EBAG9: variants seen among roughly 807,000 people sequenced by gnomAD.
The protein encoded by EBAG9 is estrogen receptor binding site associated antigen 9.
A neutral mutation model predicts 30.9 loss-of-function variants in EBAG9; 16 were observed. The ratio of observed to expected loss-of-function variants is 0.52; its 90% confidence interval spans 0.35 to 0.79. EBAG9 has a LOEUF of 0.79. Among genes scored for constraint, EBAG9 ranks in the 30% least tolerant of loss-of-function variants. The pLI, the probability that EBAG9 is intolerant of heterozygous loss-of-function variation, is 0.01. For missense variants in EBAG9, 197 were observed against 242.1 expected, an observed-to-expected ratio of 0.81 and a Z score of 1.24; for synonymous variants, 93 against 82.8, an observed-to-expected ratio of 1.12 and a Z score of -0.67.
chr8:109,554,533 A>AG (rs1374072671), intron 3 of EBAG9, among the ~76,000 whole-genome samples, 196 bp from the exon 4 acceptor site: 1 of 152,226 alleles, frequency 6.6e-6, no homozygotes, highest in Admixed American at 6.5e-5. Flanking sequence ...AAAATAGAAC[A>AG]GAATATATCA....
At chr8:109,551,913 C>T (rs1214393559) in intron 2 of EBAG9, among the ~76,000 whole-genome samples, 1 of 152,028 alleles carries the variant, frequency 6.6e-6, no homozygotes. Flanking sequence ...GTATTTTTTA[C>T]AATGGCTACT....
At chr8:109,556,268 G>T (rs1439937572) in intron 4 of EBAG9, among the ~76,000 whole-genome samples, 1 of 151,954 alleles carries the variant, frequency 6.6e-6, no homozygotes, top group African/African-American at 2.4e-5. Flanking sequence ...TCTCTCAGCT[G>T]ATTTCAGCTA....
Position 109,564,705 on chromosome 8 carries a change from C to A in EBAG9, c.*146C>A. 1.7e-6 allele frequency: 2 copies of A among 1,154,908 alleles called. No individual in the cohort carries two copies. Among genetic ancestry groups the A allele is most frequent in the East Asian group, 2.6e-5 (1 of 39,172 alleles). The allele number at this position is 1,154,908 out of a possible 1,614,324, so 71.5% of individuals were successfully genotyped here. ...GGCCATCCAGGACACCACGATTCTC[C>A]CAAAGTACCTTGAACTCTTAGTGAT... On this transcript the variant is annotated 3_prime_UTR_variant, in exon 7 of 7. Coordinates refer to ENST00000337573, the MANE Select transcript of EBAG9 (RefSeq NM_004215.5).
intron 3 of EBAG9, among the ~76,000 whole-genome samples, chr8:109,554,175 G>A (rs1821550787): frequency 6.6e-6 from 1 of 152,090 alleles, no homozygotes; most frequent in African/African-American, 2.4e-5. Flanking sequence ...GCTATTGTTT[G>A]TTGGAGCATT....
rs145924048 is a variant in EBAG9, at chr8:109,543,760, G to T, written c.-16+3299G>T. 1.6e-3 allele frequency among the ~76,000 whole-genome samples: 245 copies of T among 152,248 alleles called. 1 individual carries two copies. Among genetic ancestry groups the T allele is most frequent in the Middle Eastern group, 6.8e-3 (2 of 294 alleles). ...TTTTAAAAAGCATGGGCTGGGCATG[G>T]TAGCTCACACCTGTAATCCCAGCAC... On this transcript the variant is annotated intron_variant, in intron 1 of 6. Transcript: ENST00000337573.
At chr8:109,544,755 T>C (rs1381414479) in intron 1 of EBAG9, among the ~76,000 whole-genome samples, 1 of 152,214 alleles carries the variant, frequency 6.6e-6, no homozygotes, top group Non-Finnish European at 1.5e-5. Context: ...GTTCTACCTC[T>C]CAACAGTGGA....
chr8:109,554,386 T>A (rs1399288327), intron 3 of EBAG9, among the ~76,000 whole-genome samples: 1 of 152,244 alleles, frequency 6.6e-6, no homozygotes. Context: ...GTATTTTTTA[T>A]CAGATGATCA....
At chr8:109,545,321 C>CAAAA (rs540899914) in intron 1 of EBAG9, among the ~76,000 whole-genome samples, 13 of 37,770 alleles carry the variant, frequency 3.4e-4, no homozygotes, top group African/African-American at 9.9e-4. Flanking sequence ...GACTGTGTCT[C>CAAAA]AAAAAAAAAA....
At chr8:109,560,768 C>T (rs1403084699) in intron 5 of EBAG9, 70 bp from the exon 6 acceptor site, 2 of 1,065,422 alleles carry the variant, frequency 1.9e-6, no homozygotes, top group Non-Finnish European at 2.8e-6. Context: ...TTAAAAGATA[C>T]TCTTTTTAAC....
At chr8:109,554,575 A>G (rs970593320) in intron 3 of EBAG9, among the ~76,000 whole-genome samples, 154 bp from the exon 4 acceptor site, 1 of 152,196 alleles carries the variant, frequency 6.6e-6, no homozygotes, top group Non-Finnish European at 1.5e-5. Context: ...CTTTTGATCA[A>G]GTTTTGATCT....
At chr8:109,563,979 A>C (rs923861008) in intron 6 of EBAG9, among the ~76,000 whole-genome samples, 5 of 152,052 alleles carry the variant, frequency 3.3e-5, no homozygotes, top group African/African-American at 1.2e-4. Context: ...TGTGTTCATC[A>C]TGCACTTTAA....
intron 6 of EBAG9, chr8:109,563,477 CAGTAAAG>C (rs1821748619): frequency 6.3e-7 from 1 of 1,597,446 alleles, no homozygotes; most frequent in South Asian, 1.1e-5. Context: ...ATTAACCAAT[CAGTAAAG>C]ATAGAGAGAG....
chr8:109,548,887 C>CTTTTTTTTTTTTTTTTTTTTTTT (rs548152043), intron 1 of EBAG9, among the ~76,000 whole-genome samples: 27 of 125,090 alleles, frequency 2.2e-4, no homozygotes, highest in African/African-American at 3.3e-4. Flanking sequence ...TTTCTTTTTT[C>CTTTTTTTTTTTTTTTTTTTTTTT]TTTTTTTTTT....
chr8:109,543,605 CAGTAT>C (rs897888921), intron 1 of EBAG9, among the ~76,000 whole-genome samples: 8 of 152,154 alleles, frequency 5.3e-5, no homozygotes, highest in Non-Finnish European at 8.8e-5. Flanking sequence ...TCTAATGCTT[CAGTAT>C]ACCCTATCAG....
chr8:109,545,483 G>A (rs1821366319), intron 1 of EBAG9, among the ~76,000 whole-genome samples: 1 of 150,116 alleles, frequency 6.7e-6, no homozygotes, highest in African/African-American at 2.5e-5. Context: ...TCGTGCCTCA[G>A]CCTCCTGAGT....
intron 1 of EBAG9, among the ~76,000 whole-genome samples, chr8:109,545,519 C>T (rs540967188): frequency 4.5e-4 from 68 of 151,588 alleles, no homozygotes; most frequent in Non-Finnish European, 8.7e-4. Flanking sequence ...CATGTGCCAC[C>T]GCACCTGGCT....
chr8:109,549,432 G>GT (rs1442022787), intron 1 of EBAG9, among the ~76,000 whole-genome samples: 1 of 151,864 alleles, frequency 6.6e-6, no homozygotes, highest in East Asian at 1.9e-4. Flanking sequence ...TCCTTCTTCA[G>GT]TTTTTTGGCA....
chr8:109,560,878 A>G lies in EBAG9; in HGVS notation c.470A>G (p.Asn157Ser), dbSNP rs1231687479. The change falls in exon 6 of 7, where the codon AAT (asparagine) becomes AGT (serine). Residue 157 changes from asparagine (N) to serine (S), a missense_variant. Asn to Ser is a conservative substitution (Grantham distance 46, BLOSUM62 1). Coordinates refer to ENST00000337573, the MANE Select transcript of EBAG9 (RefSeq NM_004215.5). ...TTAGATACCTGGCAGGAAAATACCA[A>G]TGCATGGGAAGAAGAAGAAGATGCA... ...GDLDTWQENT[N>S]AWEEEEDAAW... 5.0e-6 allele frequency: 8 copies of G among 1,613,132 alleles called. No homozygotes were observed. The highest frequency in any genetic ancestry group is 1.3e-5 in the African/African-American group (1 of 74,872).
chr8:109,564,335 TTTTA>T, intron 6 of EBAG9, 100 bp from the exon 7 acceptor site: 1 of 1,441,968 alleles, frequency 6.9e-7, no homozygotes. Context: ...ACTTTCAACA[TTTTA>T]TTTGGTGATA....
Sources: gnomAD v4.1 joint callset for allele counts (sites outside exome capture counted in the v4.1 genomes callset) on GRCh38, gnomAD v4.1.1 for gene constraint, MANE v1.5 for transcripts, NCBI Gene and HGNC (gene_info 2026-07-23, HGNC 2026-07-21) for gene names.